Variants in CCDC57 observed in about 807,000 individuals in gnomAD.
CCDC57 encodes the protein coiled-coil domain containing 57, also known as coiled-coil domain-containing protein 57.
In CCDC57, 118 loss-of-function variants were observed where a neutral mutation model predicts 118.9. The observed-to-expected ratio is 0.99, with a 90% CI of 0.86 to 1.16. CCDC57 has a LOEUF of 1.16. Ranked by LOEUF, CCDC57 falls within the 50% of genes most tolerant of loss-of-function variation. The pLI is 0.00. For synonymous variants in CCDC57, 527 were observed against 532.9 expected (o/e 0.99, Z 0.15); for missense variants, 1,300 against 1,320.7 (o/e 0.98, Z 0.24).
intron 2 of CCDC57, 97 bp from the exon 2 acceptor site, chr17:82,202,049 G>C: frequency 8.1e-7 from 1 of 1,235,018 alleles, no homozygotes; most frequent in South Asian, 1.6e-5. Flanking sequence ...CAGTTACCAC[G>C]GCCGGGCACG....
chr17:82,153,729 G>A (rs752553276), intron 15 of CCDC57: 6 of 152,132 alleles, frequency 3.9e-5, no homozygotes, highest in Admixed American at 6.5e-5. Context: ...GTGCTCCAAG[G>A]GCTGCCCACC....
intron 9 of CCDC57, 109 bp from the exon 9 acceptor site, chr17:82,179,298 G>T: frequency 8.3e-7 from 1 of 1,201,140 alleles, no homozygotes; most frequent in Non-Finnish European, 1.2e-6. Flanking sequence ...TCCTGCTCTC[G>T]CATGGCCTGC....
chr17:82,164,364 G>C (rs1057086096), intron 13 of CCDC57, among the ~76,000 whole-genome samples: 4 of 152,092 alleles, frequency 2.6e-5, no homozygotes, highest in Non-Finnish European at 5.9e-5. Context: ...CTGGGTGACA[G>C]AGTGAGACTC....
Position 82,103,157 on chromosome 17 carries a change from C to T in CCDC57, c.2900-1291G>A, listed in dbSNP as rs780974358. On this transcript the variant is annotated intron_variant, in intron 19 of 19. Coordinates refer to ENST00000665763, the Ensembl canonical transcript of CCDC57. Reference sequence around the variant, plus strand: ...CAATGACGCACTCTCAGCTGGGCTGCGCAGTGCCCATGGGGGCAGCCACAC... The same window carrying T: ...CAATGACGCACTCTCAGCTGGGCTGTGCAGTGCCCATGGGGGCAGCCACAC... 7.2e-5 allele frequency among the ~76,000 whole-genome samples: 11 copies of T among 152,234 alleles called. No homozygotes were observed. In the South Asian group the frequency reaches 1.7e-3, roughly 23 times the overall value.
chr17:82,198,230 C>CAAA, intron 4 of CCDC57, 84 bp downstream of exon 3: 1 of 792,204 alleles, frequency 1.3e-6, no homozygotes, highest in Non-Finnish European at 2.0e-6. Flanking sequence ...AAATGGTTGT[C>CAAA]TTTTCCTCAG....
At chr17:82,176,001 T>C (rs905837584) in intron 11 of CCDC57, among the ~76,000 whole-genome samples, 4 of 152,220 alleles carry the variant, frequency 2.6e-5, no homozygotes, top group Non-Finnish European at 5.9e-5. Context: ...TAAAGTTTAT[T>C]TTGCTGTACA....
rs753522183 is a variant in CCDC57, at chr17:82,163,192, TG to T, written c.2040+7del. 1.2e-6 allele frequency: 2 copies of T among 1,612,432 alleles called. No homozygotes were observed. Among genetic ancestry groups the T allele is most frequent in the South Asian group, 2.2e-5 (2 of 91,046 alleles). ...AGGAGGATGACCCCACAAACTTGAC[TG>T]CCTCACCTTCTGTCTGAGTCGTGTC... On this transcript the variant is annotated splice_region_variant and intron_variant, in intron 14 of 19. Transcript: ENST00000665763.
chr17:82,193,455 G>A (rs748974734), intron 7 of CCDC57, among the ~76,000 whole-genome samples: 1 of 151,838 alleles, frequency 6.6e-6, no homozygotes, highest in Non-Finnish European at 1.5e-5. Context: ...GCTGAGACAC[G>A]AGAATTGTTT....
At chr17:82,157,634 C>T (rs2042834412) in intron 15 of CCDC57, 114 bp downstream of exon 14, 14 of 1,464,438 alleles carry the variant, frequency 9.6e-6, no homozygotes, top group South Asian at 5.6e-5. Context: ...CTGCAGCCCT[C>T]GTCCCACCTG....
intron 11 of CCDC57, among the ~76,000 whole-genome samples, chr17:82,173,076 G>A (rs778278175): frequency 5.3e-4 from 81 of 151,896 alleles, no homozygotes; most frequent in Non-Finnish European, 1.1e-3. Context: ...ATACTTTTGA[G>A]ATCCCTAGAG....
At chr17:82,127,693 T>C (rs2037679157) in exon 19 of CCDC57, 1 of 1,600,132 alleles carries the variant, frequency 6.2e-7, no homozygotes, top group African/African-American at 1.3e-5. Context: ...GTCTCCTACC[T>C]GGAGTTGAGT....
At chr17:82,103,705 C>T (rs188496903) in intron 19 of CCDC57, among the ~76,000 whole-genome samples, 10 of 152,136 alleles carry the variant, frequency 6.6e-5, no homozygotes, top group Non-Finnish European at 1.2e-4. Flanking sequence ...AAAAAGTGAG[C>T]TGAGGGAGGG....
At chr17:82,132,260 T>C (rs894151574) in intron 17 of CCDC57, among the ~76,000 whole-genome samples, 1 of 152,080 alleles carries the variant, frequency 6.6e-6, no homozygotes, top group African/African-American at 2.4e-5. Context: ...ATAGTACCAT[T>C]TCAGGAACAG....
intron 4 of CCDC57, among the ~76,000 whole-genome samples, chr17:82,196,968 G>GCAGCCCCTCGTGACTCCTGCAGAGACT (rs1261519351): frequency 8.3e-6 from 1 of 120,158 alleles, no homozygotes; most frequent in Non-Finnish European, 1.7e-5. Context: ...CTGCAGAGAC[G>GCAGCCCCTCGTGACTCCTGCAGAGACT]CAGCCCCTCG....
At chr17:82,111,446 G>A (rs190828528) in intron 19 of CCDC57, among the ~76,000 whole-genome samples, 10 of 144,964 alleles carry the variant, frequency 6.9e-5, no homozygotes, top group Admixed American at 6.3e-4. Flanking sequence ...TGGCGTGATC[G>A]TGGCTCACTG....
chr17:82,155,805 C>A (rs539482617), intron 15 of CCDC57: 14 of 152,366 alleles, frequency 9.2e-5, no homozygotes, highest in African/African-American at 2.9e-4. Context: ...GAGGACAGAG[C>A]CCAGGTGGGC....
intron 15 of CCDC57, 39 bp downstream of exon 14, chr17:82,157,709 A>C: frequency 6.5e-7 from 1 of 1,549,788 alleles, no homozygotes. Flanking sequence ...CTGTGGCAGG[A>C]ACCTCGGCGG....
chr17:82,204,369 T>G (rs572689827), intron 2 of CCDC57, among the ~76,000 whole-genome samples: 2 of 152,302 alleles, frequency 1.3e-5, no homozygotes, highest in South Asian at 4.1e-4. Flanking sequence ...ATCCTTGACC[T>G]CTTGCTGTCT....
At chr17:82,127,765 G>A in exon 19 of CCDC57, 5 of 1,613,158 alleles carry the variant, frequency 3.1e-6, no homozygotes, top group Non-Finnish European at 4.2e-6. Flanking sequence ...ACATGTCCTG[G>A]AGGGTGCCAC....
Sources: gnomAD v4.1 joint callset for allele counts (sites outside exome capture counted in the v4.1 genomes callset) on GRCh38, gnomAD v4.1.1 for gene constraint, MANE v1.5 for transcripts, NCBI Gene and HGNC (gene_info 2026-07-23, HGNC 2026-07-21) for gene names.